EIF3F: variants seen among roughly 807,000 people sequenced by gnomAD.
EIF3F encodes the protein deubiquitinating enzyme eIF3f.
Under a neutral mutation model 36.0 loss-of-function variants are expected in EIF3F, and 8 were observed. The observed-to-expected ratio is 0.22, with a 90% CI of 0.13 to 0.40. The LOEUF (loss-of-function observed/expected upper bound fraction) is 0.40, where lower values mean the gene tolerates loss of function less well. EIF3F is among the 10% of genes least tolerant of loss of function. The probability of loss-of-function intolerance (pLI) is 1.00; values close to 1 mark genes in which losing one functional copy is unlikely to be tolerated. For synonymous variants in EIF3F, 184 were observed against 188.5 expected, an observed-to-expected ratio of 0.98 and a Z score of 0.19; for missense variants, 430 against 467.6, an observed-to-expected ratio of 0.92 and a Z score of 0.74.
intron 1 of EIF3F, 157 bp downstream of exon 1, chr11:7,987,873 G>A (rs12278319): frequency 0.6 from 689,274 of 1,153,078 alleles, 207,952 homozygotes; most frequent in East Asian, 0.87. Flanking sequence ...ACCTTTTGCT[G>A]TGACTTATCT....
At chr11:7,990,750 T>C (rs1202953022) in intron 1 of EIF3F, among the ~76,000 whole-genome samples, 3 of 152,114 alleles carry the variant, frequency 2.0e-5, no homozygotes, top group Non-Finnish European at 2.9e-5. Flanking sequence ...TAGACAACAC[T>C]GTGGTTTCTG....
At chr11:7,991,441 A>C (rs1016045635) in intron 1 of EIF3F, among the ~76,000 whole-genome samples, 1 of 152,174 alleles carries the variant, frequency 6.6e-6, no homozygotes, top group Admixed American at 6.5e-5. Flanking sequence ...AGCTCTGCAG[A>C]TTAAATTACA....
Position 7,987,617 on chromosome 11 carries a change from G to A in EIF3F, c.265G>A (p.Gly89Ser). ...TGCTCTTCCAGGGCCCTTCCCCGGC[G>A]GCCGCGTGGTCAGGCTGCACCCAGT... is the stretch of plus-strand genomic sequence containing the variant. Reference protein sequence around the residue: ...GPALPGPFPGGRVVRLHPVIL... With the variant: ...GPALPGPFPGSRVVRLHPVIL... The change falls in exon 1 of 8, where the codon GGC becomes AGC. Residue 89 changes from glycine (G) to serine (S), a missense_variant. Coordinates refer to ENST00000651655, the MANE Select transcript of EIF3F (RefSeq NM_003754.3). 2 of 1,583,448 alleles carry A rather than the reference G, an allele frequency of 1.3e-6. No individual in the cohort carries two copies. Among genetic ancestry groups the A allele is most frequent in the Non-Finnish European group, 1.7e-6 (2 of 1,163,152 alleles).
At chr11:7,992,449 A>G (rs1469702203) in intron 3 of EIF3F, 3 of 470,762 alleles carry the variant, frequency 6.4e-6, no homozygotes, top group Non-Finnish European at 7.6e-6. Flanking sequence ...ACACACACCT[A>G]TAGTCCTAGC....
At chr11:7,995,165 C>A (rs138116989) in intron 6 of EIF3F, 47 bp downstream of exon 6, 826 of 1,608,662 alleles carry the variant, frequency 5.1e-4, no homozygotes, top group African/African-American at 2.2e-3. Context: ...AGTTCTCTAT[C>A]CTGGGATCAC....
intron 4 of EIF3F, 56 bp downstream of exon 4, chr11:7,993,080 C>T (rs1178678196): frequency 2.1e-5 from 31 of 1,506,492 alleles, no homozygotes; most frequent in Non-Finnish European, 2.5e-5. Context: ...GCCATCCCTC[C>T]CCCACCCCAA....
At chr11:7,988,222 TA>T (rs775015299) in intron 1 of EIF3F, among the ~76,000 whole-genome samples, 1 of 152,166 alleles carries the variant, frequency 6.6e-6, no homozygotes, top group Non-Finnish European at 1.5e-5. Context: ...GGGACGTTTG[TA>T]AAAAAACATT....
intron 1 of EIF3F, among the ~76,000 whole-genome samples, chr11:7,991,228 A>G (rs1589904744): frequency 6.6e-6 from 1 of 152,216 alleles, no homozygotes; most frequent in African/African-American, 2.4e-5. Flanking sequence ...ATATGGAAGT[A>G]AAGGTATCAG....
rs1374166313 is a variant in EIF3F at position 8,000,637 on chromosome 11, A to G, written c.*4615A>G. 6.6e-6 allele frequency: 1 copy of G among 152,108 alleles called. No homozygotes were observed. Among genetic ancestry groups the G allele is most frequent in the Admixed American group, 6.5e-5 (1 of 15,284 alleles). The allele number at this position is 152,108 out of a possible 1,614,324, so 9.4% of individuals were successfully genotyped here. A position where few individuals can be genotyped will look rare whatever the true frequency, so the allele number is the denominator to read the frequency against. On this transcript the variant is annotated 3_prime_UTR_variant, in exon 8 of 8. Transcript: ENST00000651655. The stretch of plus-strand genomic sequence containing the variant: ...CAAAACATCACATTGTACAAAATAC[A>G]TACAGTTTTTGTCAATTTAAAGATA...
chr11:7,988,735 C>T (rs77787920), intron 1 of EIF3F, among the ~76,000 whole-genome samples: 17,401 of 152,218 alleles, frequency 0.11, 1,356 homozygotes, highest in East Asian at 0.32. Flanking sequence ...TGTAAGCAGA[C>T]CTCACAAAAC....
At chr11:7,990,145 A>G (rs979427785) in intron 1 of EIF3F, among the ~76,000 whole-genome samples, 1 of 152,232 alleles carries the variant, frequency 6.6e-6, no homozygotes, top group African/African-American at 2.4e-5. Flanking sequence ...GATGACTTCT[A>G]CATCTTTGGT....
intron 3 of EIF3F, 63 bp from the exon 4 acceptor site, chr11:7,992,824 C>T: frequency 6.2e-7 from 1 of 1,609,804 alleles, no homozygotes; most frequent in Non-Finnish European, 8.5e-7. Context: ...ACCCATGCCA[C>T]TGTTGTGTTT....
chr11:7,987,850 ATATCTGCATCC>A, intron 1 of EIF3F, 134 bp downstream of exon 1: 12 of 1,268,490 alleles, frequency 9.5e-6, no homozygotes, highest in Non-Finnish European at 1.2e-5. Context: ...CTCTTAATCT[ATATCTGCATCC>A]TACCTTTTGC....
chr11:7,990,790 T>C (rs1245482807), intron 1 of EIF3F, among the ~76,000 whole-genome samples: 2 of 151,824 alleles, frequency 1.3e-5, no homozygotes, highest in African/African-American at 4.8e-5. Flanking sequence ...AATCCTGGGG[T>C]AGGAGGTTCC....
Position 7,992,895 on chromosome 11 carries a change from C to T in EIF3F, c.524C>T (p.Thr175Met), listed in dbSNP as rs376154162. ...TGTGTTCCATTTCACAGGTACGCTACGGGCCATGACATCACAGAGCACTCT... is the reference window on the plus strand; with the variant it reads ...TGTGTTCCATTTCACAGGTACGCTATGGGCCATGACATCACAGAGCACTCT... ...PNELILGWYA[T>M]GHDITEHSVL... The change falls in exon 4 of 8, where the codon ACG becomes ATG. Residue 175 changes from threonine to methionine, a missense_variant. Coordinates refer to ENST00000651655, the MANE Select transcript of EIF3F (RefSeq NM_003754.3). 13 of 1,613,962 alleles carry T rather than the reference C, an allele frequency of 8.1e-6. No homozygotes were observed. Among genetic ancestry groups the T allele is most frequent in the African/African-American group, 2.7e-5 (2 of 74,902 alleles).
At chr11:7,988,451 C>T (rs1942053892) in intron 1 of EIF3F, among the ~76,000 whole-genome samples, 1 of 152,208 alleles carries the variant, frequency 6.6e-6, no homozygotes, top group South Asian at 2.1e-4. Context: ...ATGACCCATT[C>T]TCTGCCTGTG....
At position 7,991,764 on chromosome 11, in the gene EIF3F, G is replaced by T. The variant is rs879803086; in HGVS notation, c.365-17G>T. ...CCCTAGGATTATATAACACATGGAC[G>T]ATTCTCTCTTTCACAGGAACTGTCG... On this transcript the variant is annotated splice_polypyrimidine_tract_variant and intron_variant, in intron 1 of 7. Transcript: ENST00000651655. 1.2e-6 allele frequency: 2 copies of T among 1,613,822 alleles called. No homozygotes were observed. The highest frequency in any genetic ancestry group is 2.7e-5 in the African/African-American group (2 of 74,920).
Position 7,998,615 on chromosome 11 carries a change from A to C in EIF3F, c.*2593A>C, listed in dbSNP as rs1021626167. 6 of 152,228 alleles carry C rather than the reference A, an allele frequency of 3.9e-5. No individual in the cohort carries two copies. Among genetic ancestry groups the C allele is most frequent in the Non-Finnish European group, 7.3e-5 (5 of 68,044 alleles). The allele number at this position is 152,228 out of a possible 1,614,324, so 9.4% of individuals were successfully genotyped here. A position where few individuals can be genotyped will look rare whatever the true frequency, so the allele number is the denominator to read the frequency against. ...GGCTGCAAAAGCCCAGCAAGTACTG[A>C]TACTGGAGTTAGAAATAAATTTTAG... On this transcript the variant is annotated 3_prime_UTR_variant, in exon 8 of 8. Transcript: ENST00000651655.
Position 7,994,452 on chromosome 11 carries a change from C to T in EIF3F, c.680C>T (p.Thr227Ile), listed in dbSNP as rs1942138106. The T allele has an allele frequency of 6.2e-7, 1 of 1,613,912 alleles. No individual in the cohort carries two copies. The highest frequency in any genetic ancestry group is 8.5e-7 in the Non-Finnish European group (1 of 1,179,978). ...VSTLMGVPGR[T>I]MGVMFTPLTV... ...ACTTTAATGGGAGTCCCTGGGAGGA[C>T]CATGGGAGTGATGTTCACGCCTCTG... Residue 227 changes from threonine to isoleucine, a missense_variant, in exon 5 of 8, where the codon ACC (threonine) becomes ATC (isoleucine). This residue lies in a region of EIF3F where 262 missense variants were observed against 347.4 expected (regional missense o/e 0.75). Coordinates refer to ENST00000651655, the MANE Select transcript of EIF3F (RefSeq NM_003754.3).
Sources: allele counts gnomAD v4.1 joint callset (sites outside exome capture counted in the v4.1 genomes callset), GRCh38; gene constraint gnomAD v4.1.1; regional missense constraint gnomAD v4.1.1; transcripts MANE v1.5; gene names NCBI Gene and HGNC (gene_info 2026-07-23, HGNC 2026-07-21).